The following INTS8 variants were observed in gnomAD, a reference collection of about 807,000 sequenced individuals.
INTS8 encodes protein kaonashi-1.
Under a neutral mutation model 138.9 loss-of-function variants are expected in INTS8, and 47 were observed. That is an observed-to-expected ratio of 0.34 (90% CI 0.27 to 0.43). The LOEUF (loss-of-function observed/expected upper bound fraction) is 0.43. Ranked by LOEUF, INTS8 falls within the 20% of genes least tolerant of loss-of-function variation. The probability of loss-of-function intolerance (pLI) is 1.00; values close to 1 mark genes in which losing one functional copy is unlikely to be tolerated. For synonymous variants in INTS8, 392 were observed against 400.9 expected (o/e 0.98, Z 0.27); for missense variants, 996 against 1,173.0 (o/e 0.85, Z 2.20).
rs1431178124 is a variant in INTS8, at chr8:94,823,312, G to A, written c.-120G>A. ...GCCATTTTGGATTGTGTGAGTTTCC[G>A]GGACGTTCGGAGGGTGGCCTCTCTC... On this transcript the variant is annotated 5_prime_UTR_variant, in exon 1 of 27. Coordinates refer to ENST00000523731, the MANE Select transcript of INTS8 (RefSeq NM_017864.4). The A allele has an allele frequency of 6.6e-7, 1 of 1,521,618 alleles. No individual in the cohort carries two copies. The highest frequency in any genetic ancestry group is 1.4e-5 in the African/African-American group (1 of 72,726). 94.3% of individuals were successfully genotyped at this position (1,521,618 alleles called of 1,614,324 possible). A position where few individuals can be genotyped will look rare whatever the true frequency, so the allele number is the denominator to read the frequency against.
chr8:94,847,933 A>G (rs1563653368), intron 10 of INTS8, among the ~76,000 whole-genome samples: 1 of 152,024 alleles, frequency 6.6e-6, no homozygotes, highest in Non-Finnish European at 1.5e-5. Context: ...ACATACTCCA[A>G]GATGCTCAGA....
At chr8:94,824,616 G>A (rs1358918001) in intron 1 of INTS8, among the ~76,000 whole-genome samples, 3 of 151,298 alleles carry the variant, frequency 2.0e-5, no homozygotes, top group African/African-American at 7.3e-5. Flanking sequence ...GTTCTTCCCC[G>A]TAAGGTGCTT....
intron 20 of INTS8, chr8:94,867,787 G>A (rs1264681763): frequency 6.5e-6 from 1 of 154,002 alleles, no homozygotes; most frequent in Non-Finnish European, 1.4e-5. Flanking sequence ...GCCTCCCAAA[G>A]TGCTGGGATT....
intron 10 of INTS8, among the ~76,000 whole-genome samples, chr8:94,848,409 G>A (rs1815408768): frequency 6.6e-6 from 1 of 152,144 alleles, no homozygotes; most frequent in Admixed American, 6.5e-5. Context: ...TGTATTCCTA[G>A]AGTTGTGCAG....
intron 10 of INTS8, 149 bp from the exon 11 acceptor site, chr8:94,849,313 G>A (rs1005316195): frequency 6.3e-5 from 37 of 587,894 alleles, no homozygotes; most frequent in African/African-American, 6.0e-4. Context: ...CCTTGGTCTG[G>A]TCTCTTCTGT....
chr8:94,875,019 G>A (rs1375003672), intron 23 of INTS8, among the ~76,000 whole-genome samples: 1 of 152,106 alleles, frequency 6.6e-6, no homozygotes, highest in African/African-American at 2.4e-5. Flanking sequence ...AATATAAAAT[G>A]GTGTAGCATC....
chr8:94,842,080 A>G (rs993928259), intron 9 of INTS8, among the ~76,000 whole-genome samples: 3 of 151,910 alleles, frequency 2.0e-5, no homozygotes, highest in African/African-American at 7.3e-5. Context: ...AAAGAAAAAA[A>G]AAAAAAAACT....
intron 22 of INTS8, 97 bp downstream of exon 22, chr8:94,873,574 G>T: frequency 1.3e-6 from 1 of 745,932 alleles, no homozygotes. Context: ...CTTGTAATGT[G>T]ATCGTAAGTC....
intron 20 of INTS8, among the ~76,000 whole-genome samples, chr8:94,870,324 T>C (rs2516352): frequency 6.2e-4 from 95 of 152,328 alleles, no homozygotes; most frequent in Non-Finnish European, 1.1e-3. Flanking sequence ...GTACTGGTAT[T>C]ACAGGCGTGA....
intron 21 of INTS8, among the ~76,000 whole-genome samples, chr8:94,872,380 C>T (rs558862945): frequency 1.3e-5 from 2 of 152,182 alleles, no homozygotes; most frequent in South Asian, 2.1e-4. Context: ...ATTATAGGCA[C>T]CCACCACCAT....
Position 94,827,240 on chromosome 8 carries a change from CAT to C in INTS8, c.306-22_306-21del, listed in dbSNP as rs773562286. 17 of 1,605,594 alleles carry C rather than the reference CAT, an allele frequency of 1.1e-5. 1 individual carries two copies. The South Asian group carries it at 1.5e-4, about 15-fold the overall frequency. On this transcript the variant is annotated intron_variant, in intron 2 of 26. Transcript: ENST00000523731. ...GTTTCTTTCACAATTAATGTGCAAA[CAT>C]GTACGTTTTGCTTCTTCAAGTTTGT...
chr8:94,865,162 A>G lies in INTS8; in HGVS notation c.2077-344A>G, dbSNP rs969552063. 4.0e-5 allele frequency among the ~76,000 whole-genome samples: 6 copies of G among 151,614 alleles called. No homozygotes were observed. The South Asian group carries it at 6.3e-4, about 16-fold the overall frequency. On this transcript the variant is annotated intron_variant, in intron 16 of 26. Transcript: ENST00000523731. The stretch of plus-strand genomic sequence containing the variant: ...CCTTCCATTACACTTTTTTTTCCCT[A>G]TGTAACGTGGGATCATACTATGTGT...
rs766731057 is a variant in INTS8, at chr8:94,865,527, A to G, written c.2098A>G (p.Thr700Ala). Reference protein sequence around the residue: ...YVKLGQLLAATCKELPGPKES... With the variant: ...YVKLGQLLAAACKELPGPKES... Reference sequence around the variant, plus strand: ...ATAGCTTGGACAGCTTTTAGCAGCTACATGCAAAGAACTTCCAGGCCCTAA... The same window carrying G: ...ATAGCTTGGACAGCTTTTAGCAGCTGCATGCAAAGAACTTCCAGGCCCTAA... The change falls in exon 17 of 27, where the codon ACA becomes GCA. Residue 700 changes from threonine to alanine, a missense_variant. Thr to Ala is a moderately conservative substitution (Grantham distance 58). Transcript: ENST00000523731. 4 of 1,613,834 alleles carry G rather than the reference A, an allele frequency of 2.5e-6. No individual in the cohort carries two copies. In the South Asian group the frequency reaches 3.3e-5, roughly 13 times the overall value.
chr8:94,860,846 G>A (rs1815934364), intron 16 of INTS8, among the ~76,000 whole-genome samples: 1 of 151,812 alleles, frequency 6.6e-6, no homozygotes, highest in African/African-American at 2.4e-5. Flanking sequence ...ACGAGGTCAG[G>A]AGATGGAGAC....
At chr8:94,835,605 C>T (rs1305889890) in intron 6 of INTS8, among the ~76,000 whole-genome samples, 2 of 145,980 alleles carry the variant, frequency 1.4e-5, no homozygotes, top group Admixed American at 6.9e-5. Context: ...GAGCCTGCTT[C>T]TTTTTTTTTT....
At chr8:94,875,854 C>T (rs919754836) in intron 23 of INTS8, 2 of 464,346 alleles carry the variant, frequency 4.3e-6, no homozygotes, top group Admixed American at 3.9e-5. Flanking sequence ...GCTTCTCATT[C>T]AAACAAACCT....
At chr8:94,829,198 A>G (rs1299609345) in intron 5 of INTS8, among the ~76,000 whole-genome samples, 172 bp downstream of exon 5, 1 of 151,992 alleles carries the variant, frequency 6.6e-6, no homozygotes, top group Non-Finnish European at 1.5e-5. Flanking sequence ...AGCACGTTAC[A>G]TTTATTGTGT....
chr8:94,832,643 ATTAT>A (rs1410494562), intron 6 of INTS8, among the ~76,000 whole-genome samples: 1 of 151,208 alleles, frequency 6.6e-6, no homozygotes, highest in African/African-American at 2.4e-5. Context: ...ATTGTCAGGT[ATTAT>A]TTGTTTTTGT....
At chr8:94,838,247 T>A (rs1290542265) in intron 7 of INTS8, among the ~76,000 whole-genome samples, 2 of 152,066 alleles carry the variant, frequency 1.3e-5, no homozygotes, top group Non-Finnish European at 2.9e-5. Flanking sequence ...AGACAGGGTT[T>A]CATCATCTTG....
Sources: gnomAD v4.1 joint callset for allele counts (sites outside exome capture counted in the v4.1 genomes callset) on GRCh38, gnomAD v4.1.1 for gene constraint, MANE v1.5 for transcripts, NCBI Gene and HGNC (gene_info 2026-07-23, HGNC 2026-07-21) for gene names.